PSG5: variants seen among roughly 807,000 people sequenced by gnomAD.
PSG5 encodes the protein pregnancy-specific beta-1-glycoprotein 5.
A neutral mutation model predicts 37.7 loss-of-function variants in PSG5; 53 were observed. The observed-to-expected ratio is 1.41, with a 90% CI of 1.13 to 1.77. The LOEUF is 1.77. Among genes scored for constraint, PSG5 ranks in the 40% most tolerant of loss-of-function variants. The pLI is 0.00. For synonymous variants in PSG5, 221 were observed against 155.4 expected (o/e 1.42, Z -3.14); for missense variants, 547 against 405.2 (o/e 1.35, Z -3.00).
At chr19:43,180,183 T>G (rs542148146) in intron 2 of PSG5, among the ~76,000 whole-genome samples, 2 of 151,482 alleles carry the variant, frequency 1.3e-5, no homozygotes, top group South Asian at 2.1e-4. Flanking sequence ...AGTAGAATAG[T>G]AGTTTGCAGG....
At chr19:43,178,779 G>T in intron 2 of PSG5, 10 of 1,607,964 alleles carry the variant, frequency 6.2e-6, no homozygotes, top group East Asian at 2.2e-5. Context: ...CAGGGGTAAA[G>T]GTCTCTGTAC....
rs1396231199 is a variant in PSG5, at chr19:43,175,215, C to T, written c.964G>A (p.Ala322Thr). ...GCCAAGGATGCTGGGATCCACTTACCAGAGACTTCGACTGTCATGGATTTG... is the reference window on the plus strand; with the variant it reads ...GCCAAGGATGCTGGGATCCACTTACTAGAGACTTCGACTGTCATGGATTTG... Reference protein sequence around the residue: ...SSKSMTVEVSAPSGIGRLPLL... With the variant: ...SSKSMTVEVSTPSGIGRLPLL... The change falls in exon 4 of 6, where the codon GCT becomes ACT. Residue 322 changes from alanine (A) to threonine (T), a missense_variant and splice_region_variant. Ala to Thr is a moderately conservative substitution (Grantham distance 58). Transcript: ENST00000342951. The T allele has an allele frequency of 5.0e-6, 8 of 1,612,520 alleles. No homozygotes were observed. In the African/African-American group the frequency reaches 9.4e-5, roughly 19 times the overall value.
At chr19:43,180,709 C>T (rs1433047212) in intron 2 of PSG5, 1 of 151,486 alleles carries the variant, frequency 6.6e-6, no homozygotes, top group African/African-American at 2.4e-5. Context: ...TCTCTTGAGA[C>T]CAAAATAAGG....
At chr19:43,182,530 C>T (rs553616615) in intron 2 of PSG5, among the ~76,000 whole-genome samples, 4 of 151,180 alleles carry the variant, frequency 2.6e-5, no homozygotes, top group African/African-American at 9.8e-5. Flanking sequence ...GATTCCATCA[C>T]CAAATAATCA....
intron 2 of PSG5, chr19:43,179,050 A>G (rs748342409): frequency 1.2e-6 from 2 of 1,612,714 alleles, no homozygotes; most frequent in Non-Finnish European, 8.5e-7. Flanking sequence ...TTCATCCACC[A>G]CAGGTAGCTT....
intron 4 of PSG5, chr19:43,174,010 C>T: frequency 6.6e-6 from 1 of 151,592 alleles, no homozygotes; most frequent in Admixed American, 6.6e-5. Flanking sequence ...GGTGTATCTA[C>T]AATTAAAATG....
chr19:43,171,993 A>G (rs899382298), intron 4 of PSG5, among the ~76,000 whole-genome samples: 1 of 149,120 alleles, frequency 6.7e-6, no homozygotes, highest in African/African-American at 2.5e-5. Flanking sequence ...CAAAAAAAAA[A>G]AAAAAGAAAA....
chr19:43,174,498 T>G, intron 4 of PSG5: 1 of 764,308 alleles, frequency 1.3e-6, no homozygotes, highest in Non-Finnish European at 1.6e-6. Flanking sequence ...GTGTCCCACA[T>G]GCTGTGCCCA....
chr19:43,179,176 G>C, intron 2 of PSG5: 1 of 1,579,904 alleles, frequency 6.3e-7, no homozygotes, highest in Non-Finnish European at 8.7e-7. Flanking sequence ...AAAACAGAGA[G>C]AAGATTGCCC....
intron 4 of PSG5, 24 bp downstream of exon 4, chr19:43,175,191 C>T (rs762197337): frequency 1.2e-6 from 2 of 1,612,422 alleles, no homozygotes; most frequent in Non-Finnish European, 1.7e-6. Context: ...AACCCTATTG[C>T]CAAGGATGCT....
chr19:43,177,768 A>T (rs1376623723), intron 2 of PSG5, among the ~76,000 whole-genome samples: 1 of 151,494 alleles, frequency 6.6e-6, no homozygotes, highest in African/African-American at 2.4e-5. Flanking sequence ...TGTTACTGGG[A>T]TTCTGGTAGG....
At chr19:43,179,789 T>C (rs1037830326) in intron 2 of PSG5, among the ~76,000 whole-genome samples, 19 of 151,688 alleles carry the variant, frequency 1.3e-4, no homozygotes, top group Admixed American at 4.6e-4. Context: ...AGCCAGTGAC[T>C]TCTAAAGATA....
intron 2 of PSG5, chr19:43,183,486 A>G (rs762292011): frequency 5.7e-6 from 3 of 528,830 alleles, no homozygotes; most frequent in South Asian, 4.2e-5. Flanking sequence ...GTGGGGAAAG[A>G]AAACAAAGTC....
rs140647794 is a variant in PSG5 at position 43,170,154 on chromosome 19, A to G, written c.965-16T>C. The stretch of plus-strand genomic sequence containing the variant: ...CCTGAAGGAGCTGTCATGGAAAGAA[A>G]AGTAAAGAAGGAATGAAGGTGATGT... On this transcript the variant is annotated splice_polypyrimidine_tract_variant and intron_variant, in intron 4 of 5. Transcript: ENST00000342951. The G allele has an allele frequency of 1.3e-6, 2 of 1,570,870 alleles. No individual in the cohort carries two copies. The highest frequency in any genetic ancestry group is 1.7e-5 in the Admixed American group (1 of 59,056).
chr19:43,175,555 T>G, intron 3 of PSG5, 86 bp from the exon 4 acceptor site: 1 of 1,519,170 alleles, frequency 6.6e-7, no homozygotes, highest in Middle Eastern at 2.0e-4. Context: ...AGTGACCCTC[T>G]GAGCCAAGAC....
At chr19:43,177,945 A>G (rs560307742) in intron 2 of PSG5, among the ~76,000 whole-genome samples, 1 of 151,738 alleles carries the variant, frequency 6.6e-6, no homozygotes, top group South Asian at 2.1e-4. Flanking sequence ...CTTTTTGGTT[A>G]AACTTATTCC....
intron 2 of PSG5, chr19:43,180,421 A>T (rs1222910814): frequency 6.6e-6 from 1 of 151,678 alleles, no homozygotes; most frequent in African/African-American, 2.4e-5. Flanking sequence ...TGAAAAATTT[A>T]AAATCCACAA....
intron 2 of PSG5, among the ~76,000 whole-genome samples, chr19:43,182,985 A>T (rs936825430): frequency 4.0e-5 from 6 of 150,862 alleles, no homozygotes; most frequent in African/African-American, 9.8e-5. Context: ...GGAAGGGAAC[A>T]GAACAGCCAG....
intron 3 of PSG5, 109 bp from the exon 4 acceptor site, chr19:43,175,578 C>G: frequency 6.8e-7 from 1 of 1,476,444 alleles, no homozygotes; most frequent in Non-Finnish European, 9.1e-7. Context: ...ACCCTCAAGT[C>G]CCAGCCGAAC....
Sources: gnomAD v4.1 joint callset for allele counts (sites outside exome capture counted in the v4.1 genomes callset) on GRCh38, gnomAD v4.1.1 for gene constraint, MANE v1.5 for transcripts, NCBI Gene and HGNC (gene_info 2026-07-23, HGNC 2026-07-21) for gene names.